Variants in CPEB2 observed in about 807,000 individuals in gnomAD.
The protein encoded by CPEB2 is cytoplasmic polyadenylation element binding protein 2.
A neutral mutation model predicts 93.6 loss-of-function variants in CPEB2; 56 were observed. The ratio of observed to expected loss-of-function variants is 0.60; its 90% confidence interval spans 0.48 to 0.75. CPEB2 has a LOEUF of 0.75. CPEB2 is among the 30% of genes least tolerant of loss of function. CPEB2 has a pLI of 0.00. For missense variants in CPEB2, 1,579 were observed against 1,395.1 expected (o/e 1.13, Z -2.10); for synonymous variants, 764 against 586.3 (o/e 1.30, Z -4.38).
At chr4:15,056,383 C>T (rs1205608745) in intron 8 of CPEB2, among the ~76,000 whole-genome samples, 1 of 152,132 alleles carries the variant, frequency 6.6e-6, no homozygotes, top group Non-Finnish European at 1.5e-5. Context: ...TGTTCACTTA[C>T]AAGGATGGTG....
At chr4:15,009,778 G>T (rs1723246185) in intron 3 of CPEB2, among the ~76,000 whole-genome samples, 1 of 152,164 alleles carries the variant, frequency 6.6e-6, no homozygotes. Flanking sequence ...GGTCCATGAG[G>T]CAGGGACAGA....
intron 5 of CPEB2, among the ~76,000 whole-genome samples, chr4:15,038,603 C>G (rs142255747): frequency 1.3e-5 from 1 of 77,898 alleles, no homozygotes; most frequent in South Asian, 4.1e-4. Context: ...TTTTTTTTTT[C>G]TTTGAGACGG....
chr4:15,045,291 C>A (rs1244100442), intron 6 of CPEB2, among the ~76,000 whole-genome samples: 2 of 152,050 alleles, frequency 1.3e-5, no homozygotes, highest in Non-Finnish European at 2.9e-5. Flanking sequence ...TCTGTATTTT[C>A]TATTACAAAA....
At chr4:15,046,294 C>T (rs751372457) in intron 6 of CPEB2, among the ~76,000 whole-genome samples, 2 of 152,058 alleles carry the variant, frequency 1.3e-5, no homozygotes. Flanking sequence ...GGCCCGATCT[C>T]GGCTCACTGC....
intron 7 of CPEB2, 24 bp downstream of exon 7, chr4:15,052,608 C>G (rs368481359): frequency 7.1e-7 from 1 of 1,412,648 alleles, no homozygotes; most frequent in Admixed American, 2.2e-5. Flanking sequence ...TATTTATTAA[C>G]ATGGTGATTT....
chr4:15,006,419 TAAAAAA>T (rs546856550), intron 1 of CPEB2: 1 of 141,474 alleles, frequency 7.1e-6, no homozygotes, highest in Non-Finnish European at 1.6e-5. Flanking sequence ...GAATACTTCT[TAAAAAA>T]AAAAAAAACC....
At chr4:15,054,564 GAATA>G (rs1397547121) in intron 8 of CPEB2, among the ~76,000 whole-genome samples, 2 of 151,756 alleles carry the variant, frequency 1.3e-5, no homozygotes, top group African/African-American at 2.4e-5. Flanking sequence ...AACTGTTGAT[GAATA>G]AATAATTTAG....
Position 15,066,611 on chromosome 4 carries a change from GT to G in CPEB2, c.*238del. 2.0e-6 allele frequency: 1 copy of G among 500,572 alleles called. No homozygotes were observed. The highest frequency in any genetic ancestry group is 3.0e-5 in the South Asian group (1 of 32,842). 31.0% of individuals were successfully genotyped at this position (500,572 alleles called of 1,614,324 possible). A position where few individuals can be genotyped will look rare whatever the true frequency, so the allele number is the denominator to read the frequency against. ...TGATATTTTCATGTTCAAATAAAAT[GT>G]TTTTTTGTATTTTCTCCAAGTTATT... On this transcript the variant is annotated 3_prime_UTR_variant, in exon 12 of 12. Coordinates refer to ENST00000538197, the MANE Select transcript of CPEB2 (RefSeq NM_001177382.2).
intron 6 of CPEB2, among the ~76,000 whole-genome samples, chr4:15,049,924 A>G (rs969262669): frequency 6.6e-6 from 1 of 152,034 alleles, no homozygotes; most frequent in African/African-American, 2.4e-5. Context: ...TCCCCAACCC[A>G]TTCTGTTCAG....
At chr4:15,042,193 T>C (rs1727246488) in intron 6 of CPEB2, among the ~76,000 whole-genome samples, 2 of 152,204 alleles carry the variant, frequency 1.3e-5, no homozygotes, top group Admixed American at 1.3e-4. Flanking sequence ...ATCTTTTACC[T>C]GTTGTGACTT....
At position 15,012,696 on chromosome 4, in the gene CPEB2, A is replaced by G. The variant is rs139344702; in HGVS notation, c.2034+4269A>G. ...AAATTAAGGACAATATTAGCACTAC[A>G]TTGCTTTATTTTAAAGTAAAAATTA... On this transcript the variant is annotated intron_variant, in intron 3 of 11. Transcript: ENST00000538197. 4.6e-5 allele frequency among the ~76,000 whole-genome samples: 7 copies of G among 152,264 alleles called. No homozygotes were observed. In the East Asian group the frequency reaches 1.3e-3, roughly 29 times the overall value.
At position 15,002,804 on chromosome 4, in the gene CPEB2, C is replaced by T. The variant is rs1484657913; in HGVS notation, c.131C>T (p.Pro44Leu). 19 of 1,535,390 alleles carry T rather than the reference C, an allele frequency of 1.2e-5. No homozygotes were observed. The highest frequency in any genetic ancestry group is 5.9e-5 in the Admixed American group (3 of 50,956). Residue 44 changes from proline to leucine, a missense_variant, in exon 1 of 12, where the codon CCC (proline) becomes CTC (leucine). By Grantham distance (98) the Pro-to-Leu change is moderately conservative. Coordinates refer to ENST00000538197, the MANE Select transcript of CPEB2 (RefSeq NM_001177382.2). ...GSVNPLPSAT[P>L]FGPLSPPPLP... ...GTCAACCCGCTGCCCTCCGCCACGCCCTTCGGCCCACTGTCGCCACCACCG... is the reference window on the plus strand; with the variant it reads ...GTCAACCCGCTGCCCTCCGCCACGCTCTTCGGCCCACTGTCGCCACCACCG...
chr4:15,017,992 G>A (rs1032139325), intron 4 of CPEB2: 1 of 151,848 alleles, frequency 6.6e-6, no homozygotes, highest in South Asian at 2.1e-4. Flanking sequence ...AGTCATGACA[G>A]TTACTATTTA....
At chr4:15,015,743 T>TA (rs1724058035) in intron 3 of CPEB2, among the ~76,000 whole-genome samples, 1 of 152,018 alleles carries the variant, frequency 6.6e-6, no homozygotes, top group South Asian at 2.1e-4. Flanking sequence ...CCATGAGTGA[T>TA]ACGTTCCAAG....
intron 5 of CPEB2, among the ~76,000 whole-genome samples, chr4:15,036,371 G>A (rs189708165): frequency 3.3e-5 from 5 of 152,256 alleles, no homozygotes; most frequent in Non-Finnish European, 5.9e-5. Context: ...TGAAGAGTCC[G>A]TATTTAGCAT....
At chr4:15,043,298 A>C (rs1727356454) in intron 6 of CPEB2, among the ~76,000 whole-genome samples, 1 of 152,202 alleles carries the variant, frequency 6.6e-6, no homozygotes, top group East Asian at 1.9e-4. Context: ...TCAAAATGTA[A>C]TTATGCTAGT....
At position 15,003,452 on chromosome 4, in the gene CPEB2, C is replaced by G. The variant is rs537061668; in HGVS notation, c.779C>G (p.Pro260Arg). ...CGGCAGCGTCCGGCAGACCTGCCCC[C>G]GCTCCCGCAGCTCCCTCCCTCGCCG... ...APRQRPADLP[P>R]LPQLPPSPPA... Residue 260 changes from proline to arginine, a missense_variant, in exon 1 of 12, where the codon CCG (proline) becomes CGG (arginine). Pro to Arg is a moderately radical substitution (Grantham distance 103). This residue lies in a region of CPEB2 where 1,411 missense variants were observed against 1,056.0 expected (regional missense o/e 1.34). Transcript: ENST00000538197. 3 of 1,363,992 alleles carry G rather than the reference C, an allele frequency of 2.2e-6. No individual in the cohort carries two copies. Among genetic ancestry groups the G allele is most frequent in the Middle Eastern group, 2.3e-4 (1 of 4,438 alleles). 84.5% of individuals were successfully genotyped at this position (1,363,992 alleles called of 1,614,324 possible).
Position 15,067,646 on chromosome 4 carries a change from T to C in CPEB2, c.*1266T>C, listed in dbSNP as rs906821966. ...TGAATTTTTTAGAAGAATGCAAAAC[T>C]TTAGTAAACCCTAAGTAAAGTCAAA... is the stretch of plus-strand genomic sequence containing the variant. On this transcript the variant is annotated 3_prime_UTR_variant, in exon 12 of 12. Transcript: ENST00000538197. 12 of 152,382 alleles carry C rather than the reference T, an allele frequency of 7.9e-5. No homozygotes were observed. The highest frequency in any genetic ancestry group is 7.2e-4 in the Admixed American group (11 of 15,232). The allele number at this position is 152,382 out of a possible 1,614,324, so 9.4% of individuals were successfully genotyped here.
chr4:15,022,454 A>G (rs941795786), intron 4 of CPEB2, among the ~76,000 whole-genome samples: 1 of 152,110 alleles, frequency 6.6e-6, no homozygotes, highest in African/African-American at 2.4e-5. Flanking sequence ...GCCAATAACA[A>G]AAAAGAGTAT....
Sources: gnomAD v4.1 joint callset for allele counts (sites outside exome capture counted in the v4.1 genomes callset) on GRCh38, gnomAD v4.1.1 for gene constraint, gnomAD v4.1.1 regional missense constraint, MANE v1.5 for transcripts, NCBI Gene and HGNC (gene_info 2026-07-23, HGNC 2026-07-21) for gene names.